ASGR1: variants seen among roughly 807,000 people sequenced by gnomAD.
ASGR1 encodes the protein asialoglycoprotein receptor 1, also known as C-type lectin domain family 4 member H1.
ASGR1 carries 35 observed loss-of-function variants against 33.1 expected under a neutral mutation model. The ratio of observed to expected loss-of-function variants is 1.06; its 90% confidence interval spans 0.81 to 1.40. ASGR1 has a LOEUF of 1.40. Ranked by LOEUF, ASGR1 falls within the 40% of genes most tolerant of loss-of-function variation. ASGR1 has a pLI of 0.00. For synonymous variants in ASGR1, 142 were observed against 152.5 expected, an observed-to-expected ratio of 0.93 and a Z score of 0.51; for missense variants, 396 against 373.7, an observed-to-expected ratio of 1.06 and a Z score of -0.49.
At chr17:7,178,728 TTTTTC>T (rs376060236) in intron 1 of ASGR1, 140 bp from the exon 2 acceptor site, 96,462 of 401,914 alleles carry the variant, frequency 0.24, 8,980 homozygotes, top group Non-Finnish European at 0.29. Context: ...CTTTTTCTTT[TTTTTC>T]TTTTCTTTTT....
intron 5 of ASGR1, among the ~76,000 whole-genome samples, chr17:7,174,990 CACA>C (rs200785059): frequency 0.017 from 2,472 of 148,916 alleles, 83 homozygotes; most frequent in African/African-American, 0.057. Context: ...CATACATAGA[CACA>C]ACACACCCTA....
intron 5 of ASGR1, among the ~76,000 whole-genome samples, chr17:7,176,424 C>A (rs1290691543): frequency 6.8e-6 from 1 of 147,576 alleles, no homozygotes; most frequent in Non-Finnish European, 1.5e-5. Context: ...CAGACACACT[C>A]CGTCATTCTC....
chr17:7,177,874 C>A (rs755232536), intron 2 of ASGR1: 29 of 161,754 alleles, frequency 1.8e-4, no homozygotes, highest in Non-Finnish European at 3.3e-4. Context: ...CCTGCCGGGT[C>A]TCCTCCGCTG....
Position 7,176,910 on chromosome 17 carries a change from G to T in ASGR1, c.284-9C>A. On this transcript the variant is annotated splice_polypyrimidine_tract_variant and intron_variant, in intron 4 of 8. Transcript: ENST00000269299. ...TCTTCCCACATTGCCTCCTGCGGGA[G>T]AGGCTCGCTCAGCGTTCCCGACAGC... 6.2e-7 allele frequency: 1 copy of T among 1,612,276 alleles called. No individual in the cohort carries two copies. The highest frequency in any genetic ancestry group is 8.5e-7 in the Non-Finnish European group (1 of 1,179,902).
rs776868347 is a variant in ASGR1 at position 7,177,255 on chromosome 17, G to A, written c.142C>T (p.Leu48Phe). The A allele has an allele frequency of 1.9e-6, 3 of 1,613,630 alleles. No homozygotes were observed. Among genetic ancestry groups the A allele is most frequent in the African/African-American group, 2.7e-5 (2 of 74,776 alleles). ...GPRLLLLSLGLSLLLLVVVCV... is the reference protein window; with the variant it reads ...GPRLLLLSLGFSLLLLVVVCV... ...ACAACCACAAGCAGCAGGAGGCTGA[G>A]GCCCAGGGAGAGCAGGAGGAGGCGA... is the stretch of plus-strand genomic sequence containing the variant. Residue 48 changes from leucine (L) to phenylalanine (F), a missense_variant, in exon 3 of 9, where the codon CTC becomes TTC. Leu to Phe is a conservative substitution (Grantham distance 22). Coordinates refer to ENST00000269299, the MANE Select transcript of ASGR1 (RefSeq NM_001671.5).
In ASGR1 at chr17:7,174,236, AGCAGCT is replaced by A. The variant is rs1220381408; in HGVS notation, c.490_495del (p.Ser164_Cys165del). The A allele has an allele frequency of 1.5e-5, 25 of 1,614,070 alleles. No individual in the cohort carries two copies. Among genetic ancestry groups the A allele is most frequent in the Non-Finnish European group, 2.1e-5 (25 of 1,180,016 alleles). ...GCCTTCCCGGAGCGAGAGAACCAGT[AGCAGCT>A]GCGCTCGTGCTCCACCCAGTTGACC... On this transcript the variant is annotated inframe_deletion, in exon 7 of 9. Transcript: ENST00000269299.
At chr17:7,175,234 C>A (rs1473689101) in intron 5 of ASGR1, among the ~76,000 whole-genome samples, 4 of 150,452 alleles carry the variant, frequency 2.7e-5, no homozygotes, top group African/African-American at 9.8e-5. Flanking sequence ...CACTCACACA[C>A]AAAACACCCA....
At chr17:7,175,018 TCA>T (rs763205752) in intron 5 of ASGR1, among the ~76,000 whole-genome samples, 14 of 111,910 alleles carry the variant, frequency 1.3e-4, no homozygotes, top group African/African-American at 1.8e-4. Flanking sequence ...ACATACACAC[TCA>T]CACAACACAC....
In ASGR1 at chr17:7,176,792, T is replaced by TCACACA. The variant is rs71361405; in HGVS notation, c.355+32_355+37dup. On this transcript the variant is annotated intron_variant, in intron 5 of 8. Coordinates refer to ENST00000269299, the MANE Select transcript of ASGR1 (RefSeq NM_001671.5). Reference sequence around the variant, plus strand: ...CACATCCACACATTCTCACTCTCTTTCACACACACACACACACACACACAC... The same window carrying TCACACA: ...CACATCCACACATTCTCACTCTCTTTCACACACACACACACACACACACACACACAC... 10,672 of 1,474,282 alleles carry TCACACA rather than the reference T, an allele frequency of 7.2e-3. 104 individuals are homozygous for TCACACA. In the African/African-American group the frequency reaches 0.078, roughly 11 times the overall value. The allele number at this position is 1,474,282 out of a possible 1,614,324, so 91.3% of individuals were successfully genotyped here. A position where few individuals can be genotyped will look rare whatever the true frequency, so the allele number is the denominator to read the frequency against.
At position 7,173,730 on chromosome 17, in the gene ASGR1, A is replaced by G. The variant is rs2069161051; in HGVS notation, c.805T>C (p.Cys269Arg). Residue 269 changes from cysteine (C) to arginine (R), a missense_variant, in exon 9 of 9, where the codon TGC (cysteine) becomes CGC (arginine). Coordinates refer to ENST00000269299, the MANE Select transcript of ASGR1 (RefSeq NM_001671.5). This position sits in a 1 kb window ranked among gnomAD's most constrained non-coding sequence, Gnocchi z 4.7. Reference sequence around the variant, plus strand: ...CAGACCCAGCGGTAGGGCCTCTGGCAGACGTCGTCGTTCCAGCGGCCGTCG... The same window carrying G: ...CAGACCCAGCGGTAGGGCCTCTGGCGGACGTCGTCGTTCCAGCGGCCGTCG... ...TDDGRWNDDV[C>R]QRPYRWVCET... 9.9e-6 allele frequency: 16 copies of G among 1,613,860 alleles called. No individual in the cohort carries two copies. Among genetic ancestry groups the G allele is most frequent in the Non-Finnish European group, 1.4e-5 (16 of 1,180,024 alleles).
chr17:7,176,694 A>T (rs2069218091), intron 5 of ASGR1, 136 bp downstream of exon 5: 1 of 1,310,902 alleles, frequency 7.6e-7, no homozygotes, highest in Non-Finnish European at 1.0e-6. Context: ...CCTCATTCTC[A>T]CACACAGACT....
chr17:7,177,487 A>T, intron 2 of ASGR1, 161 bp from the exon 3 acceptor site: 1 of 597,324 alleles, frequency 1.7e-6, no homozygotes, highest in Non-Finnish European at 2.9e-6. Flanking sequence ...GCCAGAGGCA[A>T]CTGGAAATCG....
intron 7 of ASGR1, 21 bp downstream of exon 7, chr17:7,174,096 TCTCCGAGGCCAGCCAGCCTCC>T: frequency 6.2e-7 from 1 of 1,614,046 alleles, no homozygotes; most frequent in Non-Finnish European, 8.5e-7. Flanking sequence ...GGTGGTGATC[TCTCCGAGGCCAGCCAGCCTCC>T]CAGACCCTCC....
Position 7,174,437 on chromosome 17 carries a change from C to A in ASGR1, c.379G>T (p.Val127Leu), listed in dbSNP as rs747230803. 8 of 1,613,320 alleles carry A rather than the reference C, an allele frequency of 5.0e-6. No individual in the cohort carries two copies. Among genetic ancestry groups the A allele is most frequent in the African/African-American group, 1.3e-5 (1 of 74,872 alleles). ...CGCAGGTCAGACACGAACTGCTTCA[C>A]GTGGAGCAGCAGGCTGGAGTGATCT... ...SEDHSSLLLH[V>L]KQFVSDLRSL... The change falls in exon 6 of 9, where the codon GTG (valine) becomes TTG (leucine). Residue 127 changes from valine (V) to leucine (L), a missense_variant. Transcript: ENST00000269299.
Position 7,177,346 on chromosome 17 carries a change from CAGG to C in ASGR1, c.71-23_71-21del. 1 of 1,607,430 alleles carries C rather than the reference CAGG, an allele frequency of 6.2e-7. No individual in the cohort carries two copies. The highest frequency in any genetic ancestry group is 8.5e-7 in the Non-Finnish European group (1 of 1,175,390). On this transcript the variant is annotated intron_variant, in intron 2 of 8. Transcript: ENST00000269299. ...GTGGCCCTGCAAGAGGAGGGGGTGT[CAGG>C]AGCGCGGGGACAGAGGGGACCCTGG...
At chr17:7,175,791 A>G (rs1485197699) in intron 5 of ASGR1, among the ~76,000 whole-genome samples, 2 of 150,250 alleles carry the variant, frequency 1.3e-5, no homozygotes, top group East Asian at 3.9e-4. Context: ...TCTCACACAC[A>G]CACACACTCC....
In ASGR1 at chr17:7,174,127, C is replaced by T. The variant is rs1170916196; in HGVS notation, c.594+11G>A. On this transcript the variant is annotated intron_variant, in intron 7 of 8. Transcript: ENST00000269299. ...AGGCCAGCCAGCCTCCCAGACCCTC[C>T]GGGTCCTCACCTGCTCCTCCCAGGA... 6.2e-7 allele frequency: 1 copy of T among 1,614,010 alleles called. No individual in the cohort carries two copies. Among genetic ancestry groups the T allele is most frequent in the South Asian group, 1.1e-5 (1 of 91,072 alleles).
At chr17:7,175,880 C>G (rs933647801) in intron 5 of ASGR1, among the ~76,000 whole-genome samples, 15 of 146,132 alleles carry the variant, frequency 1.0e-4, no homozygotes, top group Admixed American at 6.8e-5. Context: ...CACACACAGT[C>G]TCACAGACAC....
At chr17:7,176,470 C>CT (rs1368182551) in intron 5 of ASGR1, 3 of 396,408 alleles carry the variant, frequency 7.6e-6, no homozygotes, top group African/African-American at 6.3e-5. Context: ...TTCCCACAGA[C>CT]TGTCTCACAC....
Sources: gnomAD v4.1 joint callset for allele counts (sites outside exome capture counted in the v4.1 genomes callset) on GRCh38, gnomAD v4.1.1 for gene constraint, Gnocchi (gnomAD v3.1) non-coding constraint, MANE v1.5 for transcripts, NCBI Gene and HGNC (gene_info 2026-07-23, HGNC 2026-07-21) for gene names.